Variants in KIAA1549 observed in about 807,000 individuals in gnomAD.
The protein encoded by KIAA1549 is KIAA1549.
Under a neutral mutation model 156.4 loss-of-function variants are expected in KIAA1549, and 70 were observed. The ratio of observed to expected loss-of-function variants is 0.45; its 90% CI spans 0.37 to 0.55. KIAA1549 has a LOEUF of 0.55. Ranked by LOEUF, KIAA1549 falls within the 20% of genes least tolerant of loss-of-function variation. The probability of loss-of-function intolerance (pLI) is 0.00; values close to 1 mark genes in which losing one functional copy is unlikely to be tolerated. For missense variants in KIAA1549, 2,428 were observed against 2,540.9 expected (o/e 0.96, Z 0.96); for synonymous variants, 1,103 against 1,066.4 (o/e 1.03, Z -0.67).
At position 138,952,024 on chromosome 7, in the gene KIAA1549, T is replaced by C. The variant is rs140105158; in HGVS notation, c.187+29059A>G. 2.2e-3 allele frequency among the ~76,000 whole-genome samples: 338 copies of C among 152,244 alleles called. 1 individual carries two copies. The highest frequency in any genetic ancestry group is 7.7e-3 in the African/African-American group (318 of 41,556). ...ACCAATCCTGCCCTCAGTGATTCCA[T>C]CTATAAAATGAGGAAAAGAACACAC... On this transcript the variant is annotated intron_variant, in intron 1 of 19. Coordinates refer to ENST00000422774, the MANE Select transcript of KIAA1549 (RefSeq NM_001164665.2).
At chr7:138,976,556 TTC>T (rs1380310344) in intron 1 of KIAA1549, among the ~76,000 whole-genome samples, 1 of 152,126 alleles carries the variant, frequency 6.6e-6, no homozygotes, top group African/African-American at 2.4e-5. Context: ...GTTAGAACTG[TTC>T]TGTTTTGTTA....
chr7:138,851,036 T>C (rs765756656), intron 17 of KIAA1549, among the ~76,000 whole-genome samples: 3 of 152,216 alleles, frequency 2.0e-5, no homozygotes, highest in African/African-American at 7.2e-5. Context: ...TGATTAATCA[T>C]GTTGTTCCAA....
chr7:138,852,304 T>C (rs1371829937), intron 16 of KIAA1549, 35 bp from the exon 17 acceptor site: 1 of 1,413,254 alleles, frequency 7.1e-7, no homozygotes, highest in South Asian at 1.3e-5. Flanking sequence ...AAGATTAATA[T>C]TCAATACTTA....
chr7:138,969,549 A>G (rs552143061), intron 1 of KIAA1549, among the ~76,000 whole-genome samples: 1 of 152,298 alleles, frequency 6.6e-6, no homozygotes, highest in South Asian at 2.1e-4. Flanking sequence ...TTGTGCGTAC[A>G]TAGTTGGTAC....
At chr7:138,888,812 C>A (rs1444821920) in intron 10 of KIAA1549, among the ~76,000 whole-genome samples, 1 of 152,164 alleles carries the variant, frequency 6.6e-6, no homozygotes, top group Non-Finnish European at 1.5e-5. Flanking sequence ...TTATTTTCAT[C>A]TTGAAATGAA....
At chr7:138,884,179 C>G (rs774486973) in intron 10 of KIAA1549, among the ~76,000 whole-genome samples, 1 of 152,220 alleles carries the variant, frequency 6.6e-6, no homozygotes, top group Non-Finnish European at 1.5e-5. Flanking sequence ...TTCTGGAAGG[C>G]TGAACACTGT....
At chr7:138,969,954 T>C (rs1814169461) in intron 1 of KIAA1549, among the ~76,000 whole-genome samples, 3 of 152,174 alleles carry the variant, frequency 2.0e-5, no homozygotes, top group Admixed American at 2.0e-4. Context: ...CCCTCAACCA[T>C]TTATCCTTTG....
At chr7:138,867,630 G>C (rs1002004698) in intron 15 of KIAA1549, among the ~76,000 whole-genome samples, 22 of 152,112 alleles carry the variant, frequency 1.4e-4, no homozygotes, top group Admixed American at 7.2e-4. Context: ...AAACCTTGAG[G>C]ATATTTCTCT....
At chr7:138,878,638 T>C (rs866607031) in intron 12 of KIAA1549, among the ~76,000 whole-genome samples, 82 of 152,102 alleles carry the variant, frequency 5.4e-4, no homozygotes, top group African/African-American at 1.8e-3. Flanking sequence ...GGCAGAGGCC[T>C]GTAATCCCAG....
intron 17 of KIAA1549, among the ~76,000 whole-genome samples, chr7:138,848,022 T>C (rs958975578): frequency 6.6e-6 from 1 of 152,244 alleles, no homozygotes; most frequent in Non-Finnish European, 1.5e-5. Flanking sequence ...TTTTGTATAC[T>C]GATTTTACAT....
chr7:138,939,310 A>G (rs749644805), intron 1 of KIAA1549, among the ~76,000 whole-genome samples: 10 of 152,340 alleles, frequency 6.6e-5, no homozygotes, highest in Non-Finnish European at 1.0e-4. Flanking sequence ...ATATTTTTGT[A>G]TAACAGTACA....
Position 138,918,746 on chromosome 7 carries a change from C to T in KIAA1549, c.880G>A (p.Gly294Ser). The T allele has an allele frequency of 1.2e-6, 2 of 1,613,852 alleles. No homozygotes were observed. Among genetic ancestry groups the T allele is most frequent in the South Asian group, 1.1e-5 (1 of 91,070 alleles). The change falls in exon 2 of 20, where the codon GGC becomes AGC. Residue 294 changes from glycine to serine, a missense_variant. This residue lies in a region of KIAA1549 where 893 missense variants were observed against 847.9 expected (regional missense o/e 1.05). Coordinates refer to ENST00000422774, the MANE Select transcript of KIAA1549 (RefSeq NM_001164665.2). The surrounding 1 kb of genome is among the most constrained non-coding windows in gnomAD (Gnocchi z 4.2). ...SSRSLMPQPL[G>S]DGITIPLPSL... ...GGCAACGGTATAGTAATGCCGTCGC[C>T]TAACGGCTGTGGCATTAAAGACCGG...
intron 12 of KIAA1549, among the ~76,000 whole-genome samples, chr7:138,873,148 A>G (rs1296750222): frequency 6.6e-6 from 1 of 152,242 alleles, no homozygotes; most frequent in African/African-American, 2.4e-5. Flanking sequence ...TGTTTCATAT[A>G]AGGAAAGCAC....
At chr7:138,944,882 C>T (rs937885953) in intron 1 of KIAA1549, among the ~76,000 whole-genome samples, 8 of 152,170 alleles carry the variant, frequency 5.3e-5, no homozygotes, top group African/African-American at 1.4e-4. Flanking sequence ...CTGCCAGGGG[C>T]GAGGAGGGTG....
chr7:138,937,740 C>T (rs960301007), intron 1 of KIAA1549, among the ~76,000 whole-genome samples: 15 of 152,014 alleles, frequency 9.9e-5, no homozygotes, highest in African/African-American at 3.4e-4. Flanking sequence ...AGGAGCCTGT[C>T]GTTTGAGACT....
At position 138,861,362 on chromosome 7, in the gene KIAA1549, G is replaced by A. The variant is rs765395770; in HGVS notation, c.5024C>T (p.Pro1675Leu). The A allele has an allele frequency of 4.3e-6, 7 of 1,610,548 alleles. No homozygotes were observed. Among genetic ancestry groups the A allele is most frequent in the Non-Finnish European group, 8.5e-7 (1 of 1,178,996 alleles). The change falls in exon 16 of 20, where the codon CCA (proline) becomes CTA (leucine). Residue 1675 changes from proline to leucine, a missense_variant. By Grantham distance (98) the Pro-to-Leu change is moderately conservative (BLOSUM62 -3). Around this residue, in one of 5 missense-constraint regions of KIAA1549, gnomAD observed 6 missense variants for 20.4 expected, o/e 0.29. Coordinates refer to ENST00000422774, the MANE Select transcript of KIAA1549 (RefSeq NM_001164665.2). The stretch of plus-strand genomic sequence containing the variant: ...TGCCTCCTCGATGGACGGCTGGGGT[G>A]GGATGTACTGGGAGGCCGGGAAGGG... ...ALPFPASQYI[P>L]PQPSIEEARQ...
chr7:138,920,345 C>G (rs185037939), intron 1 of KIAA1549, among the ~76,000 whole-genome samples: 8 of 151,918 alleles, frequency 5.3e-5, no homozygotes, highest in Admixed American at 6.6e-5. Context: ...CCTTATCATG[C>G]CCACTGAAAT....
At chr7:138,924,195 CTT>C (rs747004102) in intron 1 of KIAA1549, among the ~76,000 whole-genome samples, 75 of 132,822 alleles carry the variant, frequency 5.6e-4, no homozygotes, top group African/African-American at 1.8e-3. Context: ...TTTTTTTTTT[CTT>C]TTTTTTTTTT....
At chr7:138,926,681 C>T (rs1408266948) in intron 1 of KIAA1549, among the ~76,000 whole-genome samples, 1 of 152,186 alleles carries the variant, frequency 6.6e-6, no homozygotes, top group Non-Finnish European at 1.5e-5. Context: ...TTCCATTTAT[C>T]TTCCTGGTTT....
Sources: allele counts gnomAD v4.1 joint callset (sites outside exome capture counted in the v4.1 genomes callset), GRCh38; gene constraint gnomAD v4.1.1; regional missense constraint gnomAD v4.1.1; non-coding constraint Gnocchi (gnomAD v3.1); transcripts MANE v1.5; gene names NCBI Gene and HGNC (gene_info 2026-07-23, HGNC 2026-07-21).